TECTA: variants seen among roughly 807,000 people sequenced by gnomAD.
TECTA encodes tectorin alpha.
In TECTA, 128 loss-of-function variants were observed where a neutral mutation model predicts 216.8. The observed-to-expected ratio is 0.59, with a 90% confidence interval of 0.51 to 0.68. The LOEUF is 0.68. Among genes scored for constraint, TECTA ranks in the 30% least tolerant of loss-of-function variants. The pLI is 0.00. For missense variants in TECTA, 2,551 were observed against 2,786.2 expected (o/e 0.92, Z 1.90); for synonymous variants, 1,089 against 1,117.1 (o/e 0.97, Z 0.50).
At chr11:121,141,519 C>T (rs899653766) in intron 11 of TECTA, among the ~76,000 whole-genome samples, 2 of 152,192 alleles carry the variant, frequency 1.3e-5, no homozygotes. Flanking sequence ...GGGTGAGCTG[C>T]AGAAGGTGAG....
intron 13 of TECTA, among the ~76,000 whole-genome samples, chr11:121,155,090 C>T (rs1017181450): frequency 1.3e-5 from 2 of 152,132 alleles, no homozygotes; most frequent in Admixed American, 1.3e-4. Context: ...GCCACCATTC[C>T]AAAGTGCCTG....
intron 14 of TECTA, 93 bp downstream of exon 14, chr11:121,158,317 A>G (rs1946965378): frequency 6.5e-7 from 1 of 1,526,796 alleles, no homozygotes; most frequent in African/African-American, 1.4e-5. Context: ...GCCAAGTTGT[A>G]GGATAGATTG....
At chr11:121,162,729 A>T (rs1021641304) in intron 16 of TECTA, among the ~76,000 whole-genome samples, 2 of 152,206 alleles carry the variant, frequency 1.3e-5, no homozygotes, top group African/African-American at 4.8e-5. Flanking sequence ...CTCCTTTAAC[A>T]TGAGGCCGTC....
Position 121,127,912 on chromosome 11 carries a change from C to A in TECTA, c.1935C>A (p.Val645=), listed in dbSNP as rs932851365. The A allele has an allele frequency of 1.2e-6, 2 of 1,614,018 alleles. No homozygotes were observed. Among genetic ancestry groups the A allele is most frequent in the Non-Finnish European group, 1.7e-6 (2 of 1,180,042 alleles). The change falls in exon 9 of 24, where the codon GTC becomes GTA. Residue 645 remains valine (V), a synonymous_variant. Transcript: ENST00000392793. The surrounding 1 kb of genome is among the most constrained non-coding windows in gnomAD (Gnocchi z 5.0). The part of the protein sequence containing the change: ...QGFVLSTSQC[V]PLHKCGCDFD... ...TCGTCCTCAGCACCAGCCAGTGCGT[C>A]CCTCTGCACAAGTGCGGCTGCGACT...
At chr11:121,169,166 G>A (rs1204804948) in intron 20 of TECTA, among the ~76,000 whole-genome samples, 8 of 152,154 alleles carry the variant, frequency 5.3e-5, no homozygotes, top group Admixed American at 2.0e-4. Flanking sequence ...GGTACCCCAC[G>A]TCCATGTGGC....
At chr11:121,138,333 T>A (rs2135097244) in intron 11 of TECTA, among the ~76,000 whole-genome samples, 1 of 152,326 alleles carries the variant, frequency 6.6e-6, no homozygotes, top group South Asian at 2.1e-4. Flanking sequence ...GCATCCCTGC[T>A]TGGTGGCTGC....
At chr11:121,155,971 C>T (rs928284508) in intron 13 of TECTA, among the ~76,000 whole-genome samples, 4 of 152,140 alleles carry the variant, frequency 2.6e-5, no homozygotes, top group Non-Finnish European at 4.4e-5. Flanking sequence ...GAATAGCTGC[C>T]TCCAGTTGAG....
At chr11:121,123,423 C>T (rs527849050) in intron 7 of TECTA, among the ~76,000 whole-genome samples, 7 of 152,322 alleles carry the variant, frequency 4.6e-5, no homozygotes, top group African/African-American at 1.7e-4. Context: ...TCATCCCTCC[C>T]TCTCATGTCT....
At chr11:121,170,418 T>TTTTTG (rs1006626709) in intron 20 of TECTA, among the ~76,000 whole-genome samples, 10 of 152,020 alleles carry the variant, frequency 6.6e-5, no homozygotes, top group Non-Finnish European at 1.0e-4. Flanking sequence ...TAGTGGGGTT[T>TTTTTG]TTTTGTTTTG....
At position 121,158,106 on chromosome 11, in the gene TECTA, C is replaced by A. The variant is rs1391694260; in HGVS notation, c.4571C>A (p.Ser1524Tyr). Residue 1524 changes from serine (S) to tyrosine (Y), a missense_variant, in exon 14 of 24, where the codon TCC becomes TAC. Physicochemically the swap from Ser to Tyr is moderately radical, Grantham distance 144. Around this residue, in one of 3 missense-constraint regions of TECTA, gnomAD observed 2,375 missense variants for 2,563.9 expected, o/e 0.93. Transcript: ENST00000392793. Reference protein sequence around the residue: ...STICQKLPDISFQLIINFDKW... With the variant: ...STICQKLPDIYFQLIINFDKW... ...ATCTGCCAGAAACTGCCCGACATCT[C>A]CTTCCAGCTTATCATCAACTTCGAC... is the stretch of plus-strand genomic sequence containing the variant. The A allele has an allele frequency of 1.2e-6, 2 of 1,614,216 alleles. No individual in the cohort carries two copies. The highest frequency in any genetic ancestry group is 1.7e-6 in the Non-Finnish European group (2 of 1,180,050).
intron 10 of TECTA, among the ~76,000 whole-genome samples, chr11:121,132,292 T>C (rs1236251143): frequency 6.6e-6 from 1 of 152,266 alleles, no homozygotes; most frequent in Admixed American, 6.5e-5. Context: ...ATTTGTTTTA[T>C]GCTCAAATTG....
chr11:121,162,351 G>A lies in TECTA; in HGVS notation c.5253G>A (p.Trp1751Ter). ...CRSFGILSTEWIEKENCSGVV... is the reference protein window; with the variant it reads ...CRSFGILSTE ...CCTTCGGGATCCTTAGCACCGAGTGGATTGAGAAGGAGAATTGCTGTAAGA... is the reference window on the plus strand; with the variant it reads ...CCTTCGGGATCCTTAGCACCGAGTGAATTGAGAAGGAGAATTGCTGTAAGA... Residue 1751 changes from tryptophan (W) to a stop codon, truncating the protein, a stop_gained, in exon 16 of 24, where the codon TGG becomes TGA. Transcript: ENST00000392793. LOFTEE classifies it high-confidence loss of function. 1 of 1,613,380 alleles carries A rather than the reference G, an allele frequency of 6.2e-7. No individual in the cohort carries two copies. Among genetic ancestry groups the A allele is most frequent in the Non-Finnish European group, 8.5e-7 (1 of 1,180,050 alleles).
intron 13 of TECTA, among the ~76,000 whole-genome samples, chr11:121,154,783 G>T (rs1257544685): frequency 2.6e-5 from 4 of 152,190 alleles, no homozygotes; most frequent in Non-Finnish European, 4.4e-5. Context: ...ATCTATGCTG[G>T]GTTCCTAGCC....
intron 1 of TECTA, 63 bp from the exon 2 acceptor site, chr11:121,102,602 C>T (rs1170303802): frequency 7.8e-7 from 1 of 1,279,080 alleles, no homozygotes; most frequent in East Asian, 2.3e-5. Context: ...CTAAACACAC[C>T]TGGTGTTCTG....
In TECTA at chr11:121,125,731, G is replaced by A; in HGVS notation, c.1633G>A (p.Ala545Thr). The part of the protein sequence containing the change: ...WECGTVVDPT[A>T]FVHSCVYDLC... ...GTGTGGCACTGTCGTGGACCCCACT[G>A]CTTTTGTGCACAGCTGCGTGTATGA... The change falls in exon 8 of 24, where the codon GCT becomes ACT. Residue 545 changes from alanine to threonine, a missense_variant. Ala to Thr is a moderately conservative substitution (Grantham distance 58). Around this residue, in one of 3 missense-constraint regions of TECTA, gnomAD observed 2,375 missense variants for 2,563.9 expected, o/e 0.93. Transcript: ENST00000392793. 1.2e-6 allele frequency: 2 copies of A among 1,613,692 alleles called. No individual in the cohort carries two copies. The highest frequency in any genetic ancestry group is 1.7e-6 in the Non-Finnish European group (2 of 1,179,592).
chr11:121,172,513 T>C (rs997961390), intron 20 of TECTA, among the ~76,000 whole-genome samples: 3 of 152,236 alleles, frequency 2.0e-5, no homozygotes, highest in Admixed American at 1.3e-4. Flanking sequence ...ACAAAGGACA[T>C]GAACTCATCA....
intron 7 of TECTA, among the ~76,000 whole-genome samples, chr11:121,120,188 G>A (rs1346032319): frequency 1.3e-5 from 2 of 152,100 alleles, no homozygotes; most frequent in East Asian, 1.9e-4. Flanking sequence ...AAGGGACACC[G>A]TAATTTCTTT....
chr11:121,101,515 G>C (rs564177415), intron 1 of TECTA, 73 bp downstream of exon 1: 2 of 152,118 alleles, frequency 1.3e-5, no homozygotes, highest in Admixed American at 1.3e-4. Context: ...GGTTCCCTAA[G>C]GGCTCTAGTC....
intron 12 of TECTA, among the ~76,000 whole-genome samples, chr11:121,147,171 A>C (rs558438423): frequency 4.6e-5 from 7 of 152,196 alleles, no homozygotes; most frequent in Non-Finnish European, 8.8e-5. Context: ...TATTTCTTTA[A>C]AAAGCATATT....
Sources: gnomAD v4.1 joint callset for allele counts (sites outside exome capture counted in the v4.1 genomes callset) on GRCh38, gnomAD v4.1.1 for gene constraint, gnomAD v4.1.1 regional missense constraint, Gnocchi (gnomAD v3.1) non-coding constraint, MANE v1.5 for transcripts, NCBI Gene and HGNC (gene_info 2026-07-23, HGNC 2026-07-21) for gene names.